Variants in PTK2 observed in about 807,000 individuals in gnomAD.
PTK2 encodes protein tyrosine kinase 2, also known as focal adhesion kinase 1.
Under a neutral mutation model 150.1 loss-of-function variants are expected in PTK2, and 45 were observed. The observed-to-expected ratio is 0.30, with a 90% CI of 0.24 to 0.38. The LOEUF (loss-of-function observed/expected upper bound fraction) is 0.38, where lower values mean the gene tolerates loss of function less well. Among genes scored for constraint, PTK2 ranks in the 10% least tolerant of loss-of-function variants. The pLI, the probability that PTK2 is intolerant of heterozygous loss-of-function variation, is 1.00. For missense variants in PTK2, 919 were observed against 1,307.3 expected (o/e 0.70, Z 4.58); for synonymous variants, 432 against 449.2 (o/e 0.96, Z 0.48).
chr8:140,864,882 C>T (rs1212621657), intron 4 of PTK2, among the ~76,000 whole-genome samples: 1 of 152,170 alleles, frequency 6.6e-6, no homozygotes, highest in Non-Finnish European at 1.5e-5. Flanking sequence ...CATATGAACA[C>T]TTTTATAAAT....
intron 26 of PTK2, among the ~76,000 whole-genome samples, chr8:140,692,653 A>C (rs1282499109): frequency 3.4e-5 from 5 of 148,432 alleles, no homozygotes; most frequent in Non-Finnish European, 4.5e-5. Context: ...AAAAAAAAAA[A>C]CAGTTCGGCT....
At chr8:140,697,739 T>C (rs1393882827) in intron 26 of PTK2, among the ~76,000 whole-genome samples, 2 of 152,100 alleles carry the variant, frequency 1.3e-5, no homozygotes, top group Non-Finnish European at 2.9e-5. Flanking sequence ...CTATCATTCA[T>C]ATATATTTCT....
At chr8:140,815,784 T>C (rs939501333) in intron 10 of PTK2, among the ~76,000 whole-genome samples, 1 of 151,982 alleles carries the variant, frequency 6.6e-6, no homozygotes, top group East Asian at 1.9e-4. Context: ...ACTATAATGA[T>C]AAAGGAGAAA....
chr8:140,969,130 G>A (rs1299421182), intron 1 of PTK2, among the ~76,000 whole-genome samples: 1 of 152,176 alleles, frequency 6.6e-6, no homozygotes, highest in Non-Finnish European at 1.5e-5. Flanking sequence ...GTAGCAGGTG[G>A]ATGAGGGAGG....
chr8:140,891,748 G>A (rs1217991739), intron 2 of PTK2, among the ~76,000 whole-genome samples: 1 of 152,218 alleles, frequency 6.6e-6, no homozygotes, highest in East Asian at 1.9e-4. Context: ...CTGAACCCAA[G>A]CTGAGAAGGA....
At chr8:140,847,628 TTATTA>T (rs1183845785) in intron 5 of PTK2, among the ~76,000 whole-genome samples, 6 of 152,202 alleles carry the variant, frequency 3.9e-5, no homozygotes, top group Admixed American at 3.3e-4. Flanking sequence ...CCATGCTCAA[TTATTA>T]TATTATGAAT....
chr8:140,731,369 G>A (rs4961288), intron 22 of PTK2, among the ~76,000 whole-genome samples: 88,499 of 152,000 alleles, frequency 0.58, 27,378 homozygotes, highest in African/African-American at 0.79. Context: ...TTGATCAATT[G>A]AAAGTATTCC....
chr8:140,972,855 A>C (rs1200797123), intron 1 of PTK2, among the ~76,000 whole-genome samples: 2 of 121,906 alleles, frequency 1.6e-5, no homozygotes, highest in Admixed American at 1.9e-4. Flanking sequence ...TATTGCTGAC[A>C]AATTTCACCC....
At chr8:140,962,928 T>C (rs1317001225) in intron 1 of PTK2, among the ~76,000 whole-genome samples, 2 of 151,498 alleles carry the variant, frequency 1.3e-5, no homozygotes, top group East Asian at 3.9e-4. Context: ...TTAAGTGCTC[T>C]CCTGGGGACC....
intron 1 of PTK2, among the ~76,000 whole-genome samples, chr8:140,999,994 A>T (rs1172084383): frequency 1.3e-5 from 2 of 149,894 alleles, no homozygotes; most frequent in Non-Finnish European, 3.0e-5. Context: ...TGCAAGAATG[A>T]GACACTGTTG....
At position 140,868,653 on chromosome 8, in the gene PTK2, C is replaced by T. The variant is rs116409352; in HGVS notation, c.363-4254G>A. On this transcript the variant is annotated intron_variant, in intron 4 of 31. Coordinates refer to ENST00000522684, the Ensembl canonical transcript of PTK2. ...ATACAATGCAATGAGAAAGGTATGA[C>T]ATCTTGACTGCAGCCGTTTTGCCAA... 4.3e-3 allele frequency among the ~76,000 whole-genome samples: 654 copies of T among 152,302 alleles called. 3 individuals are homozygous for T. Among genetic ancestry groups the T allele is most frequent in the African/African-American group, 0.015 (623 of 41,570 alleles).
chr8:140,886,264 G>A (rs940618403), intron 3 of PTK2, among the ~76,000 whole-genome samples: 1 of 152,206 alleles, frequency 6.6e-6, no homozygotes, highest in Non-Finnish European at 1.5e-5. Flanking sequence ...AGACAGAGAA[G>A]TGAGGTACAA....
At chr8:140,889,761 A>G (rs2100153610) in intron 3 of PTK2, among the ~76,000 whole-genome samples, 1 of 152,212 alleles carries the variant, frequency 6.6e-6, no homozygotes, top group African/African-American at 2.4e-5. Context: ...ACACTTCATC[A>G]AAGCAAATAC....
intron 15 of PTK2, 78 bp from the exon 19 acceptor site, chr8:140,761,340 T>A: frequency 8.5e-7 from 1 of 1,172,142 alleles, no homozygotes; most frequent in Non-Finnish European, 1.3e-6. Flanking sequence ...TATTTCTTGA[T>A]CATCCATAAG....
intron 7 of PTK2, among the ~76,000 whole-genome samples, chr8:140,842,727 A>T (rs539824243): frequency 6.6e-6 from 1 of 152,170 alleles, no homozygotes; most frequent in Non-Finnish European, 1.5e-5. Context: ...ACAGTGGAGC[A>T]AAAGCACAGG....
chr8:140,691,377 C>T (rs7820179), intron 26 of PTK2, among the ~76,000 whole-genome samples: 80,740 of 152,032 alleles, frequency 0.53, 21,979 homozygotes, highest in African/African-American at 0.66. Context: ...ATCTATGTAG[C>T]AATATGTGAT....
chr8:140,805,494 G>T (rs1204702892), intron 10 of PTK2, among the ~76,000 whole-genome samples: 1 of 151,558 alleles, frequency 6.6e-6, no homozygotes, highest in Non-Finnish European at 1.5e-5. Flanking sequence ...GGGAGTCAGA[G>T]GTTGCAGTGA....
chr8:140,889,559 CCTTTG>C (rs1008383910), intron 3 of PTK2, among the ~76,000 whole-genome samples: 2 of 151,584 alleles, frequency 1.3e-5, no homozygotes, highest in African/African-American at 4.8e-5. Context: ...TCTACCAATC[CCTTTG>C]CTTTGGTTAA....
chr8:140,803,497 C>T (rs750892182), intron 11 of PTK2, 46 bp downstream of exon 11: 5 of 1,464,558 alleles, frequency 3.4e-6, no homozygotes, highest in Admixed American at 3.4e-5. Flanking sequence ...CTAAAACATC[C>T]CTATTTAACC....
Sources: allele counts gnomAD v4.1 joint callset (sites outside exome capture counted in the v4.1 genomes callset), GRCh38; gene constraint gnomAD v4.1.1; transcripts MANE v1.5; gene names NCBI Gene and HGNC (gene_info 2026-07-23, HGNC 2026-07-21).